The following NSUN6 variants were observed in gnomAD, a reference collection of about 807,000 sequenced individuals.
NSUN6 encodes tRNA (cytosine(72)-C(5))-methyltransferase NSUN6.
A neutral mutation model predicts 58.0 loss-of-function variants in NSUN6; 64 were observed. That is an observed-to-expected ratio of 1.10 (90% CI 0.90 to 1.36). NSUN6 has a LOEUF of 1.36. Among genes scored for constraint, NSUN6 ranks in the 40% most tolerant of loss-of-function variants. The probability of loss-of-function intolerance (pLI) is 0.00; values close to 1 mark genes in which losing one functional copy is unlikely to be tolerated. For synonymous variants in NSUN6, 231 were observed against 193.9 expected, an observed-to-expected ratio of 1.19 and a Z score of -1.59; for missense variants, 701 against 550.1, an observed-to-expected ratio of 1.27 and a Z score of -2.74.
At chr10:18,616,982 A>G (rs1051003412) in intron 3 of NSUN6, among the ~76,000 whole-genome samples, 3 of 151,930 alleles carry the variant, frequency 2.0e-5, no homozygotes, top group Non-Finnish European at 2.9e-5. Context: ...AAATCTTACT[A>G]ATTTTTCAGC....
chr10:18,579,278 C>G (rs1455901457), intron 8 of NSUN6, among the ~76,000 whole-genome samples: 1 of 152,232 alleles, frequency 6.6e-6, no homozygotes, highest in East Asian at 1.9e-4. Flanking sequence ...TCATGCCATT[C>G]TCCTGCCTCA....
At chr10:18,593,943 T>C (rs2057478448) in intron 7 of NSUN6, among the ~76,000 whole-genome samples, 1 of 151,180 alleles carries the variant, frequency 6.6e-6, no homozygotes, top group Non-Finnish European at 1.5e-5. Flanking sequence ...CTCATGCCTG[T>C]AATCCCAGCA....
chr10:18,586,319 T>C (rs563708037), intron 7 of NSUN6, among the ~76,000 whole-genome samples: 12 of 150,774 alleles, frequency 8.0e-5, no homozygotes, highest in African/African-American at 2.7e-4. Flanking sequence ...CGCAGACCCT[T>C]GCGATGAGTG....
At chr10:18,599,739 T>C (rs895659112) in intron 6 of NSUN6, among the ~76,000 whole-genome samples, 1 of 152,200 alleles carries the variant, frequency 6.6e-6, no homozygotes, top group Non-Finnish European at 1.5e-5. Flanking sequence ...GCTCCCTAGA[T>C]TGTCCAACCT....
intron 3 of NSUN6, among the ~76,000 whole-genome samples, chr10:18,619,844 G>C (rs984257069): frequency 6.6e-6 from 1 of 152,018 alleles, no homozygotes; most frequent in Admixed American, 6.6e-5. Flanking sequence ...TATATCATTT[G>C]AGATCTTGAT....
At chr10:18,626,055 T>A (rs925917749) in intron 3 of NSUN6, among the ~76,000 whole-genome samples, 6 of 151,872 alleles carry the variant, frequency 4.0e-5, no homozygotes, top group African/African-American at 1.2e-4. Flanking sequence ...TACGTAAGAG[T>A]CACACTTTGG....
chr10:18,658,749 TC>T, upstream of NSUN6: 3 of 552,728 alleles, frequency 5.4e-6, no homozygotes, highest in South Asian at 1.6e-4. Flanking sequence ...GAGCCTGCAA[TC>T]CCACCACTTT....
intron 8 of NSUN6, among the ~76,000 whole-genome samples, chr10:18,584,909 C>G (rs1283115485): frequency 6.7e-6 from 1 of 149,968 alleles, no homozygotes; most frequent in Admixed American, 6.6e-5. Flanking sequence ...AAAAAAAAAC[C>G]CATCAACCAA....
chr10:18,626,335 C>T (rs557147764), intron 3 of NSUN6, among the ~76,000 whole-genome samples: 3 of 151,708 alleles, frequency 2.0e-5, no homozygotes, highest in Admixed American at 2.0e-4. Flanking sequence ...AGCTCAGGAG[C>T]TCGAGACCAG....
intron 8 of NSUN6, among the ~76,000 whole-genome samples, chr10:18,585,339 C>T (rs773456734): frequency 2.2e-4 from 34 of 152,256 alleles, no homozygotes; most frequent in Admixed American, 3.3e-4. Context: ...TTGAAATCAG[C>T]AGGTCAAAGA....
At chr10:18,613,301 T>C (rs1426767362) in intron 5 of NSUN6, among the ~76,000 whole-genome samples, 1 of 152,094 alleles carries the variant, frequency 6.6e-6, no homozygotes, top group Non-Finnish European at 1.5e-5. Flanking sequence ...TTCACCGTGT[T>C]GGCCAGGCTG....
At chr10:18,587,857 G>A (rs1483705856) in intron 7 of NSUN6, among the ~76,000 whole-genome samples, 1 of 152,034 alleles carries the variant, frequency 6.6e-6, no homozygotes, top group Non-Finnish European at 1.5e-5. Flanking sequence ...GGCCATTTGG[G>A]CAGGCACCGA....
chr10:18,644,278 T>C (rs910182210), intron 2 of NSUN6, among the ~76,000 whole-genome samples: 2 of 152,164 alleles, frequency 1.3e-5, no homozygotes, highest in Non-Finnish European at 2.9e-5. Flanking sequence ...AAATCTGAAA[T>C]GTTACAAATC....
At chr10:18,597,801 C>A (rs1025821566) in intron 6 of NSUN6, among the ~76,000 whole-genome samples, 1 of 151,912 alleles carries the variant, frequency 6.6e-6, no homozygotes, top group Admixed American at 6.6e-5. Context: ...TACAAACATA[C>A]AAAAAAACTG....
intron 8 of NSUN6, among the ~76,000 whole-genome samples, chr10:18,584,324 G>C (rs140531154): frequency 6.6e-6 from 1 of 152,188 alleles, no homozygotes; most frequent in Non-Finnish European, 1.5e-5. Flanking sequence ...TCCGCTTTCT[G>C]CTCCAAAGGT....
chr10:18,657,573 A>G (rs952046089), upstream of NSUN6, among the ~76,000 whole-genome samples: 4 of 152,034 alleles, frequency 2.6e-5, no homozygotes, highest in South Asian at 2.1e-4. Context: ...TAAGAAATCT[A>G]TAGTTTTTTT....
At chr10:18,553,053 C>T (rs1409856911) in intron 8 of NSUN6, among the ~76,000 whole-genome samples, 1 of 151,240 alleles carries the variant, frequency 6.6e-6, no homozygotes, top group Non-Finnish European at 1.5e-5. Flanking sequence ...ATTCCATTTC[C>T]CAATCCATTC....
chr10:18,555,893 TAGAATGGAATGG>T (rs2054971265), intron 8 of NSUN6, among the ~76,000 whole-genome samples: 1 of 119,196 alleles, frequency 8.4e-6, no homozygotes, highest in African/African-American at 3.1e-5. Flanking sequence ...GAATGGAGAA[TAGAATGGAATGG>T]AGAATGGAAT....
intron 6 of NSUN6, among the ~76,000 whole-genome samples, chr10:18,599,340 C>T (rs1161623292): frequency 6.6e-6 from 1 of 152,206 alleles, no homozygotes; most frequent in East Asian, 1.9e-4. Flanking sequence ...TATCCTCCTG[C>T]CTTGGCCTCC....
Sources: allele counts gnomAD v4.1 joint callset (sites outside exome capture counted in the v4.1 genomes callset), GRCh38; gene constraint gnomAD v4.1.1; transcripts MANE v1.5; gene names NCBI Gene and HGNC (gene_info 2026-07-23, HGNC 2026-07-21).